GPR149: variants seen among roughly 807,000 people sequenced by gnomAD.
GPR149 encodes the protein probable G protein-coupled receptor 149.
In GPR149, 50 loss-of-function variants were observed where a neutral mutation model predicts 50.2. The observed-to-expected ratio is 1.00, with a 90% CI of 0.79 to 1.26. The LOEUF (loss-of-function observed/expected upper bound fraction) is 1.26. Ranked by LOEUF, GPR149 falls within the 50% of genes most tolerant of loss-of-function variation. The pLI is 0.00. For missense variants in GPR149, 983 were observed against 895.4 expected (o/e 1.10, Z -1.25); for synonymous variants, 405 against 358.2 (o/e 1.13, Z -1.48).
intron 3 of GPR149, among the ~76,000 whole-genome samples, chr3:154,400,588 C>T (rs1711531258): frequency 6.6e-6 from 1 of 151,544 alleles, no homozygotes; most frequent in Admixed American, 6.5e-5. Context: ...GATGCTCTCT[C>T]TATGTAGAAA....
At chr3:154,406,044 T>C (rs572450569) in intron 3 of GPR149, among the ~76,000 whole-genome samples, 2 of 152,136 alleles carry the variant, frequency 1.3e-5, no homozygotes, top group East Asian at 3.9e-4. Flanking sequence ...CTAATATTTC[T>C]AATATGTAAA....
At chr3:154,360,867 A>G (rs978731039) in intron 3 of GPR149, among the ~76,000 whole-genome samples, 3 of 152,154 alleles carry the variant, frequency 2.0e-5, no homozygotes, top group Admixed American at 2.0e-4. Context: ...AGCTATTTTT[A>G]TTAAAAACAA....
chr3:154,411,408 T>C (rs1711828873), intron 3 of GPR149, among the ~76,000 whole-genome samples: 1 of 151,768 alleles, frequency 6.6e-6, no homozygotes, highest in South Asian at 2.1e-4. Context: ...ATTAAACAAA[T>C]AGGTGGTTCT....
chr3:154,349,532 T>C (rs1714017828), intron 3 of GPR149, among the ~76,000 whole-genome samples: 2 of 152,214 alleles, frequency 1.3e-5, no homozygotes, highest in African/African-American at 2.4e-5. Flanking sequence ...ACTACTACAA[T>C]GTGCCAAATG....
intron 3 of GPR149, among the ~76,000 whole-genome samples, chr3:154,417,663 T>A (rs1452079057): frequency 6.6e-6 from 1 of 152,096 alleles, no homozygotes; most frequent in Non-Finnish European, 1.5e-5. Flanking sequence ...GTAACTGCTG[T>A]GTCTACCACA....
chr3:154,407,691 T>TACACAC (rs1225672801), intron 3 of GPR149, among the ~76,000 whole-genome samples: 5 of 12,784 alleles, frequency 3.9e-4, no homozygotes, highest in African/African-American at 2.2e-3. Flanking sequence ...ATGTCATGTG[T>TACACAC]ATACACACAC....
intron 3 of GPR149, among the ~76,000 whole-genome samples, chr3:154,375,460 C>T (rs1196492361): frequency 6.6e-6 from 1 of 152,134 alleles, no homozygotes; most frequent in African/African-American, 2.4e-5. Context: ...GAAGCTAAAA[C>T]ATTATTTTTA....
intron 3 of GPR149, among the ~76,000 whole-genome samples, chr3:154,381,242 G>A (rs1487468130): frequency 1.3e-5 from 2 of 152,138 alleles, no homozygotes; most frequent in African/African-American, 2.4e-5. Context: ...GACCATCATG[G>A]TGTATTCACT....
intron 3 of GPR149, among the ~76,000 whole-genome samples, chr3:154,356,921 A>C (rs1043150571): frequency 2.6e-5 from 4 of 152,180 alleles, no homozygotes; most frequent in Non-Finnish European, 4.4e-5. Flanking sequence ...ACACTACCTG[A>C]CTTCAAACTA....
At chr3:154,357,585 A>T (rs949485706) in intron 3 of GPR149, among the ~76,000 whole-genome samples, 1 of 152,204 alleles carries the variant, frequency 6.6e-6, no homozygotes, top group East Asian at 1.9e-4. Flanking sequence ...CAAAACCACA[A>T]TGAGATACCA....
intron 3 of GPR149, among the ~76,000 whole-genome samples, chr3:154,363,965 T>C (rs1372471443): frequency 1.3e-5 from 2 of 152,166 alleles, no homozygotes; most frequent in Non-Finnish European, 2.9e-5. Flanking sequence ...GACAAGAACC[T>C]GGAACTCACT....
At chr3:154,373,832 C>T (rs888101042) in intron 3 of GPR149, among the ~76,000 whole-genome samples, 2 of 152,152 alleles carry the variant, frequency 1.3e-5, no homozygotes, top group Admixed American at 6.5e-5. Flanking sequence ...AGCTAACCTA[C>T]CATGAATAGA....
At chr3:154,397,950 A>G (rs953308635) in intron 3 of GPR149, among the ~76,000 whole-genome samples, 17 of 152,174 alleles carry the variant, frequency 1.1e-4, no homozygotes, top group Non-Finnish European at 8.8e-5. Context: ...AAATCAACCA[A>G]AGTATTCTGT....
intron 3 of GPR149, among the ~76,000 whole-genome samples, chr3:154,404,749 G>A (rs1176268536): frequency 6.6e-6 from 1 of 152,138 alleles, no homozygotes; most frequent in Non-Finnish European, 1.5e-5. Context: ...GTAAAATTGA[G>A]TAACAGTACA....
At position 154,427,665 on chromosome 3, in the gene GPR149, G is replaced by A. The variant is rs1427682571; in HGVS notation, c.1025C>T (p.Pro342Leu). ...AAGTAGAAAGCTGAATGTCTCCAAGGGAAGGCTCTGAAACCCCACGACGTT... is the reference window on the plus strand; with the variant it reads ...AAGTAGAAAGCTGAATGTCTCCAAGAGAAGGCTCTGAAACCCCACGACGTT... ...VQNVVGFQSL[P>L]LETFSFLLTL... The change falls in exon 2 of 4, where the codon CCC becomes CTC. Residue 342 changes from proline to leucine, a missense_variant. Coordinates refer to ENST00000389740, the MANE Select transcript of GPR149 (RefSeq NM_001038705.3). 6.2e-7 allele frequency: 1 copy of A among 1,614,054 alleles called. No individual in the cohort carries two copies.
intron 2 of GPR149, among the ~76,000 whole-genome samples, chr3:154,424,110 G>A (rs765131888): frequency 7.2e-5 from 11 of 151,926 alleles, no homozygotes; most frequent in Admixed American, 1.3e-4. Flanking sequence ...GACAAACCAC[G>A]TTCATAGACT....
At chr3:154,393,991 A>G (rs1715230510) in intron 3 of GPR149, among the ~76,000 whole-genome samples, 1 of 152,044 alleles carries the variant, frequency 6.6e-6, no homozygotes, top group Admixed American at 6.6e-5. Flanking sequence ...TATTACTCAA[A>G]GCAATGTAGA....
At chr3:154,412,577 C>T (rs1426897745) in intron 3 of GPR149, among the ~76,000 whole-genome samples, 1 of 151,832 alleles carries the variant, frequency 6.6e-6, no homozygotes, top group African/African-American at 2.4e-5. Flanking sequence ...CCTTTCACAA[C>T]AGCTGCAAAG....
chr3:154,344,976 A>T (rs1713888349), intron 3 of GPR149, among the ~76,000 whole-genome samples: 1 of 152,242 alleles, frequency 6.6e-6, no homozygotes. Flanking sequence ...AAGTCCTGCA[A>T]CAGACCATCT....
Sources: gnomAD v4.1 joint callset for allele counts (sites outside exome capture counted in the v4.1 genomes callset) on GRCh38, gnomAD v4.1.1 for gene constraint, MANE v1.5 for transcripts, NCBI Gene and HGNC (gene_info 2026-07-23, HGNC 2026-07-21) for gene names.